Variants in SCAF8 observed in about 807,000 individuals in gnomAD.
SCAF8 encodes the protein SR-related and CTD-associated factor 8.
Under a neutral mutation model 140.5 loss-of-function variants are expected in SCAF8, and 23 were observed. That is an observed-to-expected ratio of 0.16 (90% CI 0.12 to 0.23). The LOEUF is 0.23. Ranked by LOEUF, SCAF8 falls within the 10% of genes least tolerant of loss-of-function variation. SCAF8 has a pLI of 1.00. For missense variants in SCAF8, 1,397 were observed against 1,555.7 expected, an observed-to-expected ratio of 0.90 and a Z score of 1.72; for synonymous variants, 575 against 528.9, an observed-to-expected ratio of 1.09 and a Z score of -1.20.
chr6:154,802,183 TTATTAAA>T (rs754742020), intron 7 of SCAF8, 36 bp downstream of exon 7: 1 of 1,232,034 alleles, frequency 8.1e-7, no homozygotes, highest in South Asian at 1.6e-5. Flanking sequence ...TCTATATGAA[TTATTAAA>T]TATTATATAC....
intron 17 of SCAF8, 67 bp downstream of exon 17, chr6:154,824,445 A>AT (rs1219990040): frequency 7.7e-6 from 11 of 1,419,696 alleles, no homozygotes; most frequent in Non-Finnish European, 1.1e-5. Context: ...TTTCTTCCAG[A>AT]TTTAAGTACC....
intron 3 of SCAF8, among the ~76,000 whole-genome samples, chr6:154,787,191 C>T (rs1253458488): frequency 2.0e-5 from 3 of 152,124 alleles, no homozygotes; most frequent in South Asian, 2.1e-4. Context: ...CAAGTCTCTT[C>T]CAAAAAAACA....
chr6:154,756,865 A>G (rs996939081), intron 1 of SCAF8, among the ~76,000 whole-genome samples: 2 of 152,046 alleles, frequency 1.3e-5, no homozygotes, highest in African/African-American at 4.8e-5. Context: ...CCGTCTCTAC[A>G]AGAAATACAA....
At chr6:154,828,889 C>T (rs559362788) in intron 18 of SCAF8, among the ~76,000 whole-genome samples, 5 of 152,086 alleles carry the variant, frequency 3.3e-5, no homozygotes, top group Non-Finnish European at 7.4e-5. Context: ...AAAACAGTAA[C>T]GTGATTGCTT....
intron 1 of SCAF8, among the ~76,000 whole-genome samples, chr6:154,752,598 G>A (rs1583002959): frequency 6.6e-6 from 1 of 152,028 alleles, no homozygotes; most frequent in East Asian, 1.9e-4. Flanking sequence ...ATTTAATAGT[G>A]GGTAAAAGTT....
chr6:154,760,094 C>A (rs1416805103), intron 1 of SCAF8, among the ~76,000 whole-genome samples: 1 of 152,072 alleles, frequency 6.6e-6, no homozygotes, highest in Non-Finnish European at 1.5e-5. Context: ...AGTTAAAGAC[C>A]AGCCTGGCCA....
chr6:154,801,369 A>G (rs1441533806), intron 6 of SCAF8, among the ~76,000 whole-genome samples: 1 of 151,446 alleles, frequency 6.6e-6, no homozygotes, highest in Admixed American at 6.6e-5. Flanking sequence ...GCTTATAACC[A>G]GATTGATTAT....
rs149262887 is a variant in SCAF8, at chr6:154,806,109, C to T, written c.981+623C>T. On this transcript the variant is annotated intron_variant, in intron 9 of 19. Coordinates refer to ENST00000367178, the MANE Select transcript of SCAF8 (RefSeq NM_014892.5). Reference sequence around the variant, plus strand: ...TATATATTATCTGACTCAAGATGTGCGGTTATTTTATGCATAGCTAAGAAT... The same window carrying T: ...TATATATTATCTGACTCAAGATGTGTGGTTATTTTATGCATAGCTAAGAAT... Among the ~76,000 whole-genome samples the T allele has an allele frequency of 5.9e-5, 9 of 152,180 alleles. No homozygotes were observed. In the East Asian group the frequency reaches 1.2e-3, roughly 20 times the overall value.
chr6:154,833,453 TA>T lies in SCAF8; in HGVS notation c.*60del. 1 of 1,506,444 alleles carries T rather than the reference TA, an allele frequency of 6.6e-7. No homozygotes were observed. The highest frequency in any genetic ancestry group is 2.3e-5 in the East Asian group (1 of 44,214). The allele number at this position is 1,506,444 out of a possible 1,614,324, so 93.3% of individuals were successfully genotyped here. A position where few individuals can be genotyped will look rare whatever the true frequency, so the allele number is the denominator to read the frequency against. ...AAAGTTGTCATCTCTCTGTAATAGATAATGGCTGACTGGACCATAGTTGTTC... is the reference window on the plus strand; with the variant it reads ...AAAGTTGTCATCTCTCTGTAATAGATATGGCTGACTGGACCATAGTTGTTC... On this transcript the variant is annotated 3_prime_UTR_variant, in exon 20 of 20. Transcript: ENST00000367178.
chr6:154,812,292 C>CTTTTTTT (rs759236847), intron 12 of SCAF8, among the ~76,000 whole-genome samples: 1 of 38,786 alleles, frequency 2.6e-5, no homozygotes, highest in Non-Finnish European at 4.8e-5. Flanking sequence ...TCTATGTCAG[C>CTTTTTTT]TTTTTTTTTT....
chr6:154,798,692 C>T (rs956848306), intron 6 of SCAF8, among the ~76,000 whole-genome samples: 2 of 151,402 alleles, frequency 1.3e-5, no homozygotes, highest in Non-Finnish European at 3.0e-5. Flanking sequence ...AGTCTGTTCT[C>T]AATACTTCAG....
At chr6:154,735,543 A>T in intron 1 of SCAF8, among the ~76,000 whole-genome samples, 1 of 143,016 alleles carries the variant, frequency 7.0e-6, no homozygotes, top group Non-Finnish European at 1.5e-5. Flanking sequence ...TTTGAGACAG[A>T]GTTTCGCTCT....
At chr6:154,753,904 C>G (rs1310653656) in intron 1 of SCAF8, among the ~76,000 whole-genome samples, 3 of 152,296 alleles carry the variant, frequency 2.0e-5, no homozygotes, top group East Asian at 1.9e-4. Flanking sequence ...GTGGCATGAT[C>G]ATAGCTCACC....
chr6:154,808,024 A>G lies in SCAF8; in HGVS notation c.982-46A>G, dbSNP rs200646387. 2,115 of 1,544,190 alleles carry G rather than the reference A, an allele frequency of 1.4e-3. 12 individuals carry two copies. Among genetic ancestry groups the G allele is most frequent in the Non-Finnish European group, 1.6e-3 (1,822 of 1,140,766 alleles). On this transcript the variant is annotated intron_variant, in intron 9 of 19. Transcript: ENST00000367178. ...CTGTGTTTACATTTTCATTCATAAC[A>G]AAAAGTATCTCCCAATCTTTGTGTG...
intron 1 of SCAF8, among the ~76,000 whole-genome samples, chr6:154,745,364 A>G (rs1778672902): frequency 6.6e-6 from 1 of 151,990 alleles, no homozygotes; most frequent in Non-Finnish European, 1.5e-5. Context: ...AGGGATGTAG[A>G]GCTTTTGTTT....
intron 3 of SCAF8, among the ~76,000 whole-genome samples, chr6:154,781,365 C>A (rs564066680): frequency 6.6e-6 from 1 of 152,202 alleles, no homozygotes; most frequent in African/African-American, 2.4e-5. Flanking sequence ...GAAAAACATT[C>A]TATCCTCATG....
intron 11 of SCAF8, among the ~76,000 whole-genome samples, chr6:154,809,344 C>T (rs557479018): frequency 3.3e-5 from 5 of 152,124 alleles, no homozygotes; most frequent in South Asian, 2.1e-4. Context: ...AGGGGCAGTA[C>T]GTTTGATGAG....
intron 14 of SCAF8, 135 bp downstream of exon 14, chr6:154,818,727 T>C: frequency 2.4e-6 from 1 of 424,460 alleles, no homozygotes; most frequent in Non-Finnish European, 4.2e-6. Flanking sequence ...TGTATTATAT[T>C]CTTTTTAAAT....
At chr6:154,815,901 C>A in intron 13 of SCAF8, 85 bp downstream of exon 13, 1 of 698,668 alleles carries the variant, frequency 1.4e-6, no homozygotes, top group South Asian at 1.8e-5. Flanking sequence ...CTAATTAGCC[C>A]AGTAATGTCT....
Sources: gnomAD v4.1 joint callset for allele counts (sites outside exome capture counted in the v4.1 genomes callset) on GRCh38, gnomAD v4.1.1 for gene constraint, MANE v1.5 for transcripts, NCBI Gene and HGNC (gene_info 2026-07-23, HGNC 2026-07-21) for gene names.